The following TAFA2 variants were observed in gnomAD, a reference collection of about 807,000 sequenced individuals.
The protein encoded by TAFA2 is TAFA chemokine like family member 2, also known as chemokine-like protein TAFA-2.
A neutral mutation model predicts 18.8 loss-of-function variants in TAFA2; 7 were observed. That is an observed-to-expected ratio of 0.37 (90% CI 0.21 to 0.70). TAFA2 has a LOEUF of 0.70. Among genes scored for constraint, TAFA2 ranks in the 30% least tolerant of loss-of-function variants. TAFA2 has a pLI of 0.53. For missense variants in TAFA2, 122 were observed against 158.1 expected (o/e 0.77, Z 1.23); for synonymous variants, 60 against 54.2 (o/e 1.11, Z -0.47).
chr12:61,880,282 G>T, intron 1 of TAFA2: 1 of 479,734 alleles, frequency 2.1e-6, no homozygotes, highest in South Asian at 1.5e-5. Flanking sequence ...TCCAGGCTGA[G>T]ATCAAGGGCC....
chr12:62,003,234 C>A (rs756051643), intron 1 of TAFA2, among the ~76,000 whole-genome samples: 3 of 152,138 alleles, frequency 2.0e-5, no homozygotes, highest in Non-Finnish European at 4.4e-5. Flanking sequence ...TCAATACTCT[C>A]AAGTGGCTTC....
intron 1 of TAFA2, among the ~76,000 whole-genome samples, chr12:61,999,527 T>C (rs1017326289): frequency 1.3e-5 from 2 of 152,214 alleles, no homozygotes; most frequent in African/African-American, 4.8e-5. Flanking sequence ...TGTTGGTGAA[T>C]TGACAAATCA....
intron 2 of TAFA2, among the ~76,000 whole-genome samples, chr12:61,850,339 T>C (rs571093688): frequency 4.6e-5 from 7 of 151,946 alleles, no homozygotes; most frequent in African/African-American, 1.7e-4. Flanking sequence ...TGATCAGTCA[T>C]TGTAATATGT....
intron 1 of TAFA2, among the ~76,000 whole-genome samples, chr12:62,111,753 C>A (rs991158936): frequency 6.6e-6 from 1 of 152,082 alleles, no homozygotes; most frequent in South Asian, 2.1e-4. Context: ...CCTTCTTTGT[C>A]TTTTTTTATC....
intron 2 of TAFA2, among the ~76,000 whole-genome samples, chr12:61,782,297 A>G (rs1271290978): frequency 6.6e-6 from 1 of 151,632 alleles, no homozygotes; most frequent in African/African-American, 2.4e-5. Context: ...AACATTTACA[A>G]TCTATTCTCT....
At chr12:62,108,208 A>G (rs1189489302) in intron 1 of TAFA2, among the ~76,000 whole-genome samples, 1 of 151,604 alleles carries the variant, frequency 6.6e-6, no homozygotes, top group Admixed American at 6.6e-5. Flanking sequence ...TCACTGTTCA[A>G]CTCCCACTTA....
Position 62,255,650 on chromosome 12 carries a change from C to T in TAFA2, c.-130+3113G>A, listed in dbSNP as rs112542112. Among the ~76,000 whole-genome samples, 477 of 151,054 alleles carry T rather than the reference C, an allele frequency of 3.2e-3. 1 individual carries two copies. Among genetic ancestry groups the T allele is most frequent in the African/African-American group, 0.01 (413 of 41,116 alleles). On this transcript the variant is annotated intron_variant, in intron 1 of 5. Coordinates refer to the TAFA2 transcript ENST00000551619. Reference sequence around the variant, plus strand: ...GGTGGATCACTTGAGGTCAGGAGATCGAGACCAGCCTGGCCAACATGGTGA... The same window carrying T: ...GGTGGATCACTTGAGGTCAGGAGATTGAGACCAGCCTGGCCAACATGGTGA...
chr12:62,241,422 TGA>T (rs2062862371), intron 1 of TAFA2, among the ~76,000 whole-genome samples: 1 of 152,226 alleles, frequency 6.6e-6, no homozygotes. Context: ...GACCTCAACC[TGA>T]GTGGACTTAC....
chr12:61,902,347 G>A (rs1409141867), intron 1 of TAFA2, among the ~76,000 whole-genome samples: 1 of 152,136 alleles, frequency 6.6e-6, no homozygotes, highest in Non-Finnish European at 1.5e-5. Flanking sequence ...CAAAGCTGGA[G>A]ATGGCATACA....
chr12:62,021,593 C>G (rs11836487), intron 1 of TAFA2: 325,121 of 933,976 alleles, frequency 0.35, 60,221 homozygotes, highest in Non-Finnish European at 0.39. Context: ...GGCTGGGTGA[C>G]GGCAGGCGGT....
chr12:61,899,642 G>T (rs1402155905), intron 1 of TAFA2, among the ~76,000 whole-genome samples: 1 of 152,154 alleles, frequency 6.6e-6, no homozygotes, highest in East Asian at 1.9e-4. Context: ...TTCTTGACAT[G>T]TAGGGATTAT....
chr12:62,028,611 T>A (rs1881370034), intron 1 of TAFA2, among the ~76,000 whole-genome samples: 1 of 152,148 alleles, frequency 6.6e-6, no homozygotes, highest in Admixed American at 6.5e-5. Flanking sequence ...ACAAGTAAGT[T>A]CACACAAATT....
intron 1 of TAFA2, among the ~76,000 whole-genome samples, chr12:62,179,430 G>C (rs1306331989): frequency 2.0e-5 from 3 of 152,190 alleles, no homozygotes; most frequent in Non-Finnish European, 2.9e-5. Flanking sequence ...ATTTGCCATA[G>C]AGAAAACTGG....
At chr12:61,895,303 A>AACTAC (rs1875793832) in intron 1 of TAFA2, among the ~76,000 whole-genome samples, 1 of 152,126 alleles carries the variant, frequency 6.6e-6, no homozygotes, top group South Asian at 2.1e-4. Flanking sequence ...CCCTTCCTAA[A>AACTAC]ACTACAAGTA....
intron 2 of TAFA2, among the ~76,000 whole-genome samples, chr12:61,761,185 C>G (rs772658781): frequency 7.2e-5 from 11 of 151,910 alleles, no homozygotes; most frequent in African/African-American, 2.4e-4. Context: ...TATTTTGAAA[C>G]GAAGTCCCAT....
chr12:62,083,104 C>A (rs990586371), intron 1 of TAFA2, among the ~76,000 whole-genome samples: 5 of 152,014 alleles, frequency 3.3e-5, no homozygotes, highest in Admixed American at 6.6e-5. Flanking sequence ...GGCTCTGTTA[C>A]CCAGTAAATA....
intron 1 of TAFA2, chr12:62,198,199 T>C (rs1006893473): frequency 3.3e-5 from 5 of 150,718 alleles, no homozygotes; most frequent in Non-Finnish European, 3.0e-5. Flanking sequence ...AAAAAAAAAA[T>C]GAGACAATCT....
At chr12:61,818,850 T>C (rs2121039304) in intron 2 of TAFA2, among the ~76,000 whole-genome samples, 1 of 152,352 alleles carries the variant, frequency 6.6e-6, no homozygotes. Context: ...GTTTAATTCA[T>C]TTAATTCCCT....
chr12:61,786,648 T>A (rs1219515561), intron 2 of TAFA2, among the ~76,000 whole-genome samples: 2 of 151,280 alleles, frequency 1.3e-5, no homozygotes, highest in African/African-American at 4.8e-5. Flanking sequence ...ACAACCAAGG[T>A]TGAACACCTA....
Sources: allele counts gnomAD v4.1 joint callset (sites outside exome capture counted in the v4.1 genomes callset), GRCh38; gene constraint gnomAD v4.1.1; transcripts MANE v1.5; gene names NCBI Gene and HGNC (gene_info 2026-07-23, HGNC 2026-07-21).